DCC: variants seen among roughly 807,000 people sequenced by gnomAD.
The protein encoded by DCC is netrin receptor DCC.
In DCC, 58 loss-of-function variants were observed where a neutral mutation model predicts 172.5. That is an observed-to-expected ratio of 0.34 (90% CI 0.27 to 0.42). The LOEUF is 0.42. DCC is among the 10% of genes least tolerant of loss of function. DCC has a pLI of 1.00. For missense variants in DCC, 1,740 were observed against 1,791.0 expected, an observed-to-expected ratio of 0.97 and a Z score of 0.51; for synonymous variants, 709 against 644.5, an observed-to-expected ratio of 1.10 and a Z score of -1.52.
intron 2 of DCC, among the ~76,000 whole-genome samples, chr18:52,874,455 G>A (rs531491485): frequency 2.6e-5 from 4 of 152,086 alleles, no homozygotes; most frequent in African/African-American, 9.7e-5. Context: ...AAATAAAATT[G>A]TTTTGAGTTA....
At chr18:52,759,840 G>A (rs1350924872) in intron 2 of DCC, among the ~76,000 whole-genome samples, 1 of 152,076 alleles carries the variant, frequency 6.6e-6, no homozygotes, top group Non-Finnish European at 1.5e-5. Context: ...TTTAAACAAA[G>A]TTATACACAA....
rs375019807 is a variant in DCC, at chr18:53,459,426, C to A, written c.3587C>A (p.Thr1196Asn). The part of the protein sequence containing the change: ...LTPVSHSQSE[T>N]QLGSKSTSHS... ...CCAGTCAGCCACAGCCAGTCAGAAA[C>A]CCAACTGGGAAGCAAAAGCACCTCT... is the stretch of plus-strand genomic sequence containing the variant. The change falls in exon 24 of 29, where the codon ACC becomes AAC. Residue 1196 changes from threonine to asparagine, a missense_variant. Thr to Asn is a moderately conservative substitution (Grantham distance 65, BLOSUM62 0). Around this residue, in one of 2 missense-constraint regions of DCC, gnomAD observed 1,732 missense variants for 1,767.4 expected, o/e 0.98. Coordinates refer to ENST00000442544, the MANE Select transcript of DCC (RefSeq NM_005215.4). The A allele has an allele frequency of 6.2e-7, 1 of 1,613,330 alleles. No individual in the cohort carries two copies. The highest frequency in any genetic ancestry group is 1.3e-5 in the African/African-American group (1 of 74,894).
chr18:52,446,415 G>A (rs1000225361), intron 1 of DCC, among the ~76,000 whole-genome samples: 5 of 152,130 alleles, frequency 3.3e-5, no homozygotes, highest in Admixed American at 6.5e-5. Flanking sequence ...TAGAAGTATC[G>A]CCATCTTTCT....
intron 8 of DCC, among the ~76,000 whole-genome samples, chr18:53,165,791 A>C: frequency 6.6e-6 from 1 of 152,202 alleles, no homozygotes; most frequent in East Asian, 1.9e-4. Context: ...AACCCAGCAG[A>C]TTCTCTGGAA....
chr18:52,972,681 T>G (rs1010264412), intron 5 of DCC, among the ~76,000 whole-genome samples: 1 of 152,214 alleles, frequency 6.6e-6, no homozygotes, highest in Non-Finnish European at 1.5e-5. Context: ...TTATCTACAC[T>G]TTCCTCTTCT....
chr18:52,925,208 C>G, intron 4 of DCC, 26 bp from the exon 5 acceptor site: 1 of 1,608,994 alleles, frequency 6.2e-7, no homozygotes. Flanking sequence ...TGTTAATTTA[C>G]TCTGCACCTT....
chr18:53,029,886 T>A (rs1212945272), intron 5 of DCC, among the ~76,000 whole-genome samples: 1 of 152,104 alleles, frequency 6.6e-6, no homozygotes, highest in Non-Finnish European at 1.5e-5. Flanking sequence ...CTCGATTGTT[T>A]TTGTGCTGAG....
At chr18:53,096,638 C>T (rs1295614697) in intron 7 of DCC, among the ~76,000 whole-genome samples, 1 of 151,936 alleles carries the variant, frequency 6.6e-6, no homozygotes, top group African/African-American at 2.4e-5. Context: ...AGGGGCTATG[C>T]TTTAGATTGA....
chr18:53,458,071 G>A (rs1338238873), intron 23 of DCC, among the ~76,000 whole-genome samples: 1 of 152,118 alleles, frequency 6.6e-6, no homozygotes, highest in Non-Finnish European at 1.5e-5. Flanking sequence ...CTATTGAGCA[G>A]CCATGGAAGG....
intron 1 of DCC, among the ~76,000 whole-genome samples, chr18:52,485,264 T>C (rs1042730252): frequency 1.3e-5 from 2 of 152,108 alleles, no homozygotes; most frequent in African/African-American, 4.8e-5. Flanking sequence ...AAAAAGATTA[T>C]TATGGTTCTG....
intron 7 of DCC, among the ~76,000 whole-genome samples, chr18:53,083,937 T>A (rs1038064981): frequency 3.9e-5 from 6 of 152,220 alleles, no homozygotes; most frequent in African/African-American, 1.4e-4. Context: ...TGTAACAACC[T>A]TTCTCCGAAT....
At chr18:53,343,442 C>G (rs1360094031) in intron 15 of DCC, among the ~76,000 whole-genome samples, 2 of 151,372 alleles carry the variant, frequency 1.3e-5, no homozygotes, top group East Asian at 3.9e-4. Context: ...TTTTAAAATA[C>G]GGTGAATTAC....
chr18:53,405,051 T>C (rs1026724619), intron 19 of DCC, among the ~76,000 whole-genome samples: 4 of 152,190 alleles, frequency 2.6e-5, no homozygotes, highest in African/African-American at 9.6e-5. Context: ...TTCTGTGTCA[T>C]GTGTATTTTG....
At chr18:53,049,169 A>G (rs911908642) in intron 5 of DCC, among the ~76,000 whole-genome samples, 5 of 142,050 alleles carry the variant, frequency 3.5e-5, no homozygotes, top group African/African-American at 1.3e-4. Context: ...CTTTTCATGC[A>G]GAGGCTCTTT....
Position 53,063,299 on chromosome 18 carries a change from T to C in DCC, c.986-6T>C. The C allele has an allele frequency of 6.2e-7, 1 of 1,613,312 alleles. No homozygotes were observed. The highest frequency in any genetic ancestry group is 8.5e-7 in the Non-Finnish European group (1 of 1,179,462). On this transcript the variant is annotated splice_polypyrimidine_tract_variant and splice_region_variant and intron_variant, in intron 5 of 28. Coordinates refer to ENST00000442544, the MANE Select transcript of DCC (RefSeq NM_005215.4). Reference sequence around the variant, plus strand: ...CTCACTCACTTTTTTTTTTCTGTCTTTGCAGTTCCGCCATGGTTTTTAAAT... The same window carrying C: ...CTCACTCACTTTTTTTTTTCTGTCTCTGCAGTTCCGCCATGGTTTTTAAAT...
At chr18:52,978,886 G>T (rs1265207532) in intron 5 of DCC, among the ~76,000 whole-genome samples, 1 of 152,150 alleles carries the variant, frequency 6.6e-6, no homozygotes, top group Admixed American at 6.5e-5. Flanking sequence ...TGCTGCAAAA[G>T]ACATTTCATT....
chr18:52,903,025 G>A (rs1328291785), intron 2 of DCC, among the ~76,000 whole-genome samples: 1 of 152,108 alleles, frequency 6.6e-6, no homozygotes. Flanking sequence ...ATATTAATAT[G>A]CAATCCCAGC....
At chr18:52,358,337 G>A (rs933282414) in intron 1 of DCC, among the ~76,000 whole-genome samples, 19 of 152,162 alleles carry the variant, frequency 1.2e-4, no homozygotes, top group Non-Finnish European at 2.4e-4. Context: ...GAGCTCAGGG[G>A]ATGATCTGGA....
chr18:52,508,230 C>T (rs923240887), intron 1 of DCC, among the ~76,000 whole-genome samples: 5 of 152,138 alleles, frequency 3.3e-5, no homozygotes, highest in African/African-American at 9.7e-5. Context: ...GGCAGTATTT[C>T]ACCTACTAAC....
Sources: gnomAD v4.1 joint callset for allele counts (sites outside exome capture counted in the v4.1 genomes callset) on GRCh38, gnomAD v4.1.1 for gene constraint, gnomAD v4.1.1 regional missense constraint, MANE v1.5 for transcripts, NCBI Gene and HGNC (gene_info 2026-07-23, HGNC 2026-07-21) for gene names.